The following MCPH1 variants were observed in gnomAD, a reference collection of about 807,000 sequenced individuals.
MCPH1 encodes microcephalin 1.
Under a neutral mutation model 84.5 loss-of-function variants are expected in MCPH1, and 104 were observed. The observed-to-expected ratio is 1.23, with a 90% confidence interval of 1.05 to 1.45. The LOEUF is 1.45. MCPH1 is among the 40% of genes most tolerant of loss of function. The probability of loss-of-function intolerance (pLI) is 0.00; values close to 1 mark genes in which losing one functional copy is unlikely to be tolerated. For missense variants in MCPH1, 1,498 were observed against 1,005.7 expected (o/e 1.49, Z -6.62); for synonymous variants, 514 against 366.8 (o/e 1.40, Z -4.58).
chr8:6,622,442 G>A (rs1449656728), intron 13 of MCPH1, among the ~76,000 whole-genome samples: 1 of 152,224 alleles, frequency 6.6e-6, no homozygotes, highest in African/African-American at 2.4e-5. Context: ...GGCAGCGTCT[G>A]TGCTAGAAAT....
intron 12 of MCPH1, chr8:6,527,775 AC>A: frequency 8.8e-7 from 1 of 1,139,778 alleles, no homozygotes; most frequent in South Asian, 1.6e-5. Flanking sequence ...GGAAAACATA[AC>A]AAAAACATTA....
At chr8:6,552,245 A>C (rs770690854) in intron 12 of MCPH1, among the ~76,000 whole-genome samples, 2 of 152,236 alleles carry the variant, frequency 1.3e-5, no homozygotes, top group Non-Finnish European at 2.9e-5. Flanking sequence ...CAGAAGCAGC[A>C]TTGCTTACGA....
chr8:6,616,800 T>G (rs962590744), intron 12 of MCPH1: 2 of 152,242 alleles, frequency 1.3e-5, no homozygotes, highest in Non-Finnish European at 1.5e-5. Flanking sequence ...CTGTTGTTTA[T>G]TTTGGAGGCC....
At chr8:6,447,193 A>G (rs988309449) in intron 8 of MCPH1, 20 of 985,270 alleles carry the variant, frequency 2.0e-5, no homozygotes, top group African/African-American at 1.7e-4. Context: ...AGATTCATCA[A>G]TGTTTTAAAC....
At chr8:6,457,917 T>G (rs1805873347) in intron 9 of MCPH1, among the ~76,000 whole-genome samples, 1 of 152,118 alleles carries the variant, frequency 6.6e-6, no homozygotes, top group Admixed American at 6.5e-5. Flanking sequence ...TGGACTCACC[T>G]GGGGATCTGT....
At chr8:6,642,205 A>T (rs191464759) in intron 13 of MCPH1, among the ~76,000 whole-genome samples, 2 of 152,246 alleles carry the variant, frequency 1.3e-5, no homozygotes, top group East Asian at 3.9e-4. Flanking sequence ...TGATTCTTTA[A>T]TTGCAATTGA....
At chr8:6,519,496 T>C (rs1392931276) in intron 12 of MCPH1, among the ~76,000 whole-genome samples, 1 of 152,256 alleles carries the variant, frequency 6.6e-6, no homozygotes, top group African/African-American at 2.4e-5. Context: ...CTATGGCTGA[T>C]GCACTATGGT....
chr8:6,423,241 G>A (rs1454304382), intron 3 of MCPH1, among the ~76,000 whole-genome samples: 2 of 142,228 alleles, frequency 1.4e-5, no homozygotes, highest in African/African-American at 5.3e-5. Flanking sequence ...CCAGGCTGGA[G>A]TGCAGTGGTG....
chr8:6,620,588 A>G (rs1406716366), intron 12 of MCPH1, among the ~76,000 whole-genome samples: 3 of 152,126 alleles, frequency 2.0e-5, no homozygotes, highest in Non-Finnish European at 4.4e-5. Context: ...TCAAATCTCT[A>G]ATTTGTGTGA....
intron 12 of MCPH1, among the ~76,000 whole-genome samples, chr8:6,612,050 G>A (rs543840508): frequency 6.6e-6 from 1 of 152,298 alleles, no homozygotes; most frequent in Admixed American, 6.5e-5. Flanking sequence ...ACGTTCCTCT[G>A]GCACTCGGCC....
At chr8:6,532,503 G>C in intron 12 of MCPH1, 1 of 1,584,148 alleles carries the variant, frequency 6.3e-7, no homozygotes. Context: ...AAAGAACAGT[G>C]TTAGAAGGCA....
chr8:6,515,542 C>T (rs573530720), intron 12 of MCPH1, among the ~76,000 whole-genome samples: 1 of 152,310 alleles, frequency 6.6e-6, no homozygotes, highest in South Asian at 2.1e-4. Flanking sequence ...TTGTCCAGAA[C>T]ACAGAATTCT....
At chr8:6,474,610 C>T (rs916838542) in intron 9 of MCPH1, among the ~76,000 whole-genome samples, 2 of 152,170 alleles carry the variant, frequency 1.3e-5, no homozygotes, top group African/African-American at 4.8e-5. Flanking sequence ...CACAAATTTA[C>T]ATTTTTTCAT....
At chr8:6,522,174 T>G (rs1265113909) in intron 12 of MCPH1, among the ~76,000 whole-genome samples, 1 of 151,640 alleles carries the variant, frequency 6.6e-6, no homozygotes, top group Non-Finnish European at 1.5e-5. Context: ...GCTAACACGG[T>G]GAAACCCCGT....
chr8:6,422,414 G>A (rs998108055), intron 3 of MCPH1, among the ~76,000 whole-genome samples: 4 of 152,322 alleles, frequency 2.6e-5, no homozygotes, highest in African/African-American at 7.2e-5. Flanking sequence ...TTTACTAGAA[G>A]CTTGAAGTAA....
chr8:6,455,446 G>T (rs1474560201), intron 9 of MCPH1, among the ~76,000 whole-genome samples, 194 bp downstream of exon 9: 2 of 152,160 alleles, frequency 1.3e-5, no homozygotes, highest in Non-Finnish European at 2.9e-5. Context: ...AGTTATTATT[G>T]ATAGAGCAAG....
chr8:6,596,865 A>G (rs1828969231), intron 12 of MCPH1, among the ~76,000 whole-genome samples: 1 of 152,238 alleles, frequency 6.6e-6, no homozygotes, highest in Admixed American at 6.5e-5. Flanking sequence ...AATAGCTAAG[A>G]ACCAGCTGAG....
chr8:6,559,894 TGA>T (rs1352490017), intron 12 of MCPH1, among the ~76,000 whole-genome samples: 1 of 152,214 alleles, frequency 6.6e-6, no homozygotes, highest in Non-Finnish European at 1.5e-5. Flanking sequence ...TACTACACAG[TGA>T]GTAAGCTGTC....
chr8:6,514,842 G>T, intron 12 of MCPH1: 1 of 1,423,344 alleles, frequency 7.0e-7, no homozygotes, highest in Non-Finnish European at 9.9e-7. Context: ...CGTAGCAGAA[G>T]CAGGAGGAAT....
Sources: allele counts gnomAD v4.1 joint callset (sites outside exome capture counted in the v4.1 genomes callset), GRCh38; gene constraint gnomAD v4.1.1; transcripts MANE v1.5; gene names NCBI Gene and HGNC (gene_info 2026-07-23, HGNC 2026-07-21).